Variants in ENPP6 observed in about 807,000 individuals in gnomAD.
ENPP6 encodes the protein glycerophosphocholine cholinephosphodiesterase ENPP6.
Under a neutral mutation model 42.0 loss-of-function variants are expected in ENPP6, and 32 were observed. The observed-to-expected ratio is 0.76, with a 90% CI of 0.58 to 1.02. The LOEUF is 1.02. Among genes scored for constraint, ENPP6 ranks in the 50% least tolerant of loss-of-function variants. The pLI is 0.00. For missense variants in ENPP6, 552 were observed against 566.8 expected (o/e 0.97, Z 0.27); for synonymous variants, 213 against 216.0 (o/e 0.99, Z 0.12).
chr4:184,188,619 C>T (rs6552766), intron 1 of ENPP6, among the ~76,000 whole-genome samples: 124,245 of 152,092 alleles, frequency 0.82, 51,190 homozygotes, highest in East Asian at 0.98. Context: ...GTTCAGAAGC[C>T]ACGTGGGGAG....
At chr4:184,129,119 T>C (rs1165128829) in intron 2 of ENPP6, among the ~76,000 whole-genome samples, 1 of 152,196 alleles carries the variant, frequency 6.6e-6, no homozygotes, top group Non-Finnish European at 1.5e-5. Context: ...ATCATCACCA[T>C]GGTAATTTAT....
intron 2 of ENPP6, among the ~76,000 whole-genome samples, chr4:184,147,577 C>G (rs866018497): frequency 1.3e-5 from 2 of 152,060 alleles, no homozygotes; most frequent in African/African-American, 4.8e-5. Context: ...GTACGGGATT[C>G]GAGACCAGAC....
At chr4:184,134,518 T>C (rs557169056) in intron 2 of ENPP6, among the ~76,000 whole-genome samples, 1 of 152,296 alleles carries the variant, frequency 6.6e-6, no homozygotes, top group South Asian at 2.1e-4. Context: ...AATACATTGG[T>C]GTAACATTTT....
Position 184,158,067 on chromosome 4 carries a change from T to G in ENPP6, c.242-4334A>C, listed in dbSNP as rs182423252. ...TTATTCTTTTTGCATCCACTCAACA[T>G]GTATTTATTAGATAATGTTTGCATG... On this transcript the variant is annotated intron_variant, in intron 1 of 7. Coordinates refer to ENST00000296741, the MANE Select transcript of ENPP6 (RefSeq NM_153343.4). Among the ~76,000 whole-genome samples, 61 of 152,320 alleles carry G rather than the reference T, an allele frequency of 4.0e-4. 1 individual carries two copies. Among genetic ancestry groups the G allele is most frequent in the Middle Eastern group, 3.4e-3 (1 of 294 alleles).
chr4:184,172,433 C>T (rs1737485109), intron 1 of ENPP6, among the ~76,000 whole-genome samples: 1 of 152,140 alleles, frequency 6.6e-6, no homozygotes, highest in African/African-American at 2.4e-5. Flanking sequence ...CAGCTACGCT[C>T]CTCTCCCCCA....
chr4:184,131,203 T>TTC (rs1491352189), intron 2 of ENPP6, among the ~76,000 whole-genome samples: 3,892 of 79,836 alleles, frequency 0.049, 196 homozygotes, highest in South Asian at 0.084. Flanking sequence ...CTTTCTTTCT[T>TTC]CTTTCTTTCT....
chr4:184,171,985 C>T (rs937416493), intron 1 of ENPP6, among the ~76,000 whole-genome samples: 7 of 151,856 alleles, frequency 4.6e-5, no homozygotes, highest in African/African-American at 9.7e-5. Context: ...GGAGAGTGTG[C>T]GAGGGAGGTG....
At chr4:184,128,305 T>A (rs1736538516) in intron 2 of ENPP6, among the ~76,000 whole-genome samples, 1 of 152,152 alleles carries the variant, frequency 6.6e-6, no homozygotes, top group African/African-American at 2.4e-5. Flanking sequence ...CTCAGCTTCC[T>A]GAGTAGTTGG....
chr4:184,131,201 C>CTTTCTTTCTTTCTTTCTTT (rs376993212), intron 2 of ENPP6, among the ~76,000 whole-genome samples: 1 of 70,644 alleles, frequency 1.4e-5, no homozygotes, highest in Admixed American at 1.5e-4. Context: ...TTCTTTCTTT[C>CTTTCTTTCTTTCTTTCTTT]TTCTTTCTTT....
chr4:184,144,926 C>G (rs146874393), intron 2 of ENPP6, among the ~76,000 whole-genome samples: 157 of 152,380 alleles, frequency 1.0e-3, no homozygotes, highest in African/African-American at 3.7e-3. Context: ...TGTGGCCTGA[C>G]AGCCCACGGC....
At chr4:184,115,105 T>G (rs905886490) in intron 5 of ENPP6, among the ~76,000 whole-genome samples, 2 of 152,190 alleles carry the variant, frequency 1.3e-5, no homozygotes, top group African/African-American at 4.8e-5. Context: ...AGGATTGGGC[T>G]AAAGAGGTGA....
intron 6 of ENPP6, among the ~76,000 whole-genome samples, chr4:184,104,947 A>G (rs563114200): frequency 1.3e-5 from 2 of 152,194 alleles, no homozygotes; most frequent in African/African-American, 4.8e-5. Flanking sequence ...CAAGCTGGAG[A>G]ACATTAGCAA....
chr4:184,210,721 T>C (rs1201605528), intron 1 of ENPP6, among the ~76,000 whole-genome samples: 5 of 147,440 alleles, frequency 3.4e-5, no homozygotes, highest in Non-Finnish European at 7.5e-5. Flanking sequence ...TGAACTCAGC[T>C]CTGCACCAAG....
intron 7 of ENPP6, among the ~76,000 whole-genome samples, chr4:184,097,032 G>T (rs537552164): frequency 1.3e-4 from 20 of 152,298 alleles, no homozygotes; most frequent in African/African-American, 4.8e-4. Flanking sequence ...AATTTACAAG[G>T]CAAAGTATTT....
In ENPP6 at chr4:184,153,457, C is replaced by A. The variant is rs115694920; in HGVS notation, c.421+97G>T. On this transcript the variant is annotated intron_variant, in intron 2 of 7. Transcript: ENST00000296741. ...TTTCTTAAATAAAGATCCCATTTTC[C>A]AAACCACGGCTTGGTCTTCAAACAG... The A allele has an allele frequency of 3.3e-4, 460 of 1,378,006 alleles. 4 individuals carry two copies. The African/African-American group carries it at 5.8e-3, about 17-fold the overall frequency. 85.4% of individuals were successfully genotyped at this position (1,378,006 alleles called of 1,614,324 possible). A position where few individuals can be genotyped will look rare whatever the true frequency, so the allele number is the denominator to read the frequency against.
intron 1 of ENPP6, among the ~76,000 whole-genome samples, chr4:184,175,135 T>C (rs1737539703): frequency 6.6e-6 from 1 of 152,140 alleles, no homozygotes; most frequent in African/African-American, 2.4e-5. Context: ...CCCCACCTTG[T>C]GTCCTCACTC....
intron 1 of ENPP6, among the ~76,000 whole-genome samples, chr4:184,179,739 A>G (rs1732520423): frequency 6.6e-6 from 1 of 152,222 alleles, no homozygotes; most frequent in Admixed American, 6.5e-5. Flanking sequence ...ACACAACTAT[A>G]TGGAAATTGA....
At chr4:184,158,631 T>C (rs1737211825) in intron 1 of ENPP6, among the ~76,000 whole-genome samples, 1 of 152,250 alleles carries the variant, frequency 6.6e-6, no homozygotes. Context: ...GGCTTCTTCT[T>C]CTAGAGATAT....
intron 1 of ENPP6, among the ~76,000 whole-genome samples, chr4:184,186,641 T>TTCAAA (rs1732638207): frequency 1.3e-5 from 2 of 152,270 alleles, no homozygotes; most frequent in Admixed American, 1.3e-4. Context: ...AAAGGTTAAA[T>TTCAAA]ACACAGAGAG....
Sources: allele counts gnomAD v4.1 joint callset (sites outside exome capture counted in the v4.1 genomes callset), GRCh38; gene constraint gnomAD v4.1.1; transcripts MANE v1.5; gene names NCBI Gene and HGNC (gene_info 2026-07-23, HGNC 2026-07-21).